QTMAN: variants seen among roughly 807,000 people sequenced by gnomAD.
QTMAN encodes the protein tRNA-queuosine alpha-mannosyltransferase.
At chr2:144,291,817 T>C in the QTMAN span, among the ~76,000 whole-genome samples, 3 of 152,218 alleles carry the variant, frequency 2.0e-5, no homozygotes, top group Non-Finnish European at 2.9e-5. Flanking sequence ...TTCAAGTTCA[T>C]ACTACCACTT....
the QTMAN span, among the ~76,000 whole-genome samples, chr2:144,133,459 ATATAT>A: frequency 2.7e-5 from 2 of 73,642 alleles, no homozygotes; most frequent in African/African-American, 1.2e-4. Context: ...AATATATAAT[ATATAT>A]TATATATTAT....
chr2:143,978,734 A>T, the QTMAN span, among the ~76,000 whole-genome samples: 1 of 152,320 alleles, frequency 6.6e-6, no homozygotes, highest in East Asian at 1.9e-4. Flanking sequence ...ACTCTATGGA[A>T]CTAAACTTTC....
chr2:143,984,868 C>CA, the QTMAN span, among the ~76,000 whole-genome samples: 2 of 152,184 alleles, frequency 1.3e-5, no homozygotes, highest in Non-Finnish European at 2.9e-5. Flanking sequence ...GAGCCACTTC[C>CA]ACAACTCAAT....
chr2:144,005,616 C>A, the QTMAN span: 30 of 151,984 alleles, frequency 2.0e-4, no homozygotes, highest in African/African-American at 7.2e-4. Context: ...GCTTTTTTCC[C>A]TCTTCTCCAA....
chr2:144,018,821 A>G, the QTMAN span, among the ~76,000 whole-genome samples: 1 of 152,174 alleles, frequency 6.6e-6, no homozygotes, highest in Non-Finnish European at 1.5e-5. Flanking sequence ...TCAATCAGGA[A>G]AGAATTAGGT....
the QTMAN span, among the ~76,000 whole-genome samples, chr2:143,991,931 G>A: frequency 1.9e-4 from 29 of 149,806 alleles, no homozygotes; most frequent in East Asian, 3.7e-3. Context: ...CCCCCCGCCC[G>A]GCCAGCCACC....
the QTMAN span, among the ~76,000 whole-genome samples, chr2:143,979,822 T>C: frequency 6.6e-5 from 10 of 152,222 alleles, no homozygotes; most frequent in Admixed American, 1.3e-4. Context: ...TTTTGATGTT[T>C]CAAACAATAC....
chr2:144,060,996 T>G, the QTMAN span, among the ~76,000 whole-genome samples: 1 of 152,160 alleles, frequency 6.6e-6, no homozygotes, highest in Non-Finnish European at 1.5e-5. Flanking sequence ...TCATATAATT[T>G]TTTTTTTAGT....
At chr2:143,994,758 T>C in the QTMAN span, among the ~76,000 whole-genome samples, 1 of 152,150 alleles carries the variant, frequency 6.6e-6, no homozygotes, top group South Asian at 2.1e-4. Flanking sequence ...TTGACCTTAA[T>C]AGGGCAGGAG....
the QTMAN span, among the ~76,000 whole-genome samples, chr2:144,206,411 T>C: frequency 6.6e-6 from 1 of 152,224 alleles, no homozygotes; most frequent in Non-Finnish European, 1.5e-5. Flanking sequence ...CACGCATTTG[T>C]AAACTTAGTA....
chr2:144,190,078 G>T, the QTMAN span, among the ~76,000 whole-genome samples: 1 of 152,088 alleles, frequency 6.6e-6, no homozygotes, highest in African/African-American at 2.4e-5. Flanking sequence ...TATTTTTAAA[G>T]AAATTTTATC....
the QTMAN span, among the ~76,000 whole-genome samples, chr2:144,032,206 A>G: frequency 6.6e-6 from 1 of 152,182 alleles, no homozygotes; most frequent in Non-Finnish European, 1.5e-5. Flanking sequence ...ATCACTTACT[A>G]ATGGTGTAGG....
chr2:144,126,335 CA>C, the QTMAN span, among the ~76,000 whole-genome samples: 1 of 151,534 alleles, frequency 6.6e-6, no homozygotes, highest in East Asian at 1.9e-4. Context: ...CACCTGGTTC[CA>C]ACCCCAGATA....
chr2:143,968,288 C>G, the QTMAN span, among the ~76,000 whole-genome samples: 1 of 152,208 alleles, frequency 6.6e-6, no homozygotes, highest in Non-Finnish European at 1.5e-5. Flanking sequence ...TGGGCTTCCA[C>G]AGTACTCTCT....
chr2:144,259,069 C>G, the QTMAN span, among the ~76,000 whole-genome samples: 2 of 152,194 alleles, frequency 1.3e-5, no homozygotes, highest in Admixed American at 1.3e-4. Context: ...AGAGATAGGA[C>G]AGTCAGTGGA....
the QTMAN span, among the ~76,000 whole-genome samples, chr2:144,314,394 G>A: frequency 6.6e-6 from 1 of 152,150 alleles, no homozygotes; most frequent in Non-Finnish European, 1.5e-5. Flanking sequence ...GGGGAGATGA[G>A]GAAAGGGAAG....
the QTMAN span, among the ~76,000 whole-genome samples, chr2:144,013,468 G>T: frequency 1.3e-5 from 2 of 152,072 alleles, no homozygotes; most frequent in Admixed American, 1.3e-4. Context: ...AAAAGAATGA[G>T]AAATACATTT....
At chr2:143,957,216 T>TGC in the QTMAN span, 1 of 1,593,066 alleles carries the variant, frequency 6.3e-7, no homozygotes, top group South Asian at 1.2e-5. Context: ...AAAGAATTCA[T>TGC]GCTTAGCTGT....
chr2:144,218,524 G>A, the QTMAN span, among the ~76,000 whole-genome samples: 79 of 152,244 alleles, frequency 5.2e-4, 1 homozygote, highest in Non-Finnish European at 9.9e-4. Context: ...TTTGTGCAGG[G>A]TAATTATAAA....
Sources: gnomAD v4.1 joint callset for allele counts (sites outside exome capture counted in the v4.1 genomes callset) on GRCh38, gnomAD v4.1.1 for gene constraint, MANE v1.5 for transcripts, NCBI Gene and HGNC (gene_info 2026-07-23, HGNC 2026-07-21) for gene names.